The following TENM3 variants were observed in gnomAD, a reference collection of about 807,000 sequenced individuals.
TENM3 encodes the protein teneurin-3.
A neutral mutation model predicts 255.1 loss-of-function variants in TENM3; 63 were observed. The observed-to-expected ratio is 0.25, with a 90% confidence interval of 0.20 to 0.30. The LOEUF is 0.30. TENM3 is among the 10% of genes least tolerant of loss of function. TENM3 has a pLI of 1.00. For synonymous variants in TENM3, 1,306 were observed against 1,322.3 expected (o/e 0.99, Z 0.27); for missense variants, 2,929 against 3,461.1 (o/e 0.85, Z 3.86).
chr4:182,783,835 C>T (rs1054956706), intron 24 of TENM3, among the ~76,000 whole-genome samples: 6 of 151,998 alleles, frequency 3.9e-5, no homozygotes, highest in Non-Finnish European at 8.8e-5. Flanking sequence ...CCCTTTCTTC[C>T]AGTTGATCGC....
At chr4:182,134,894 C>T in the TENM3 span, among the ~76,000 whole-genome samples, 3 of 151,954 alleles carry the variant, frequency 2.0e-5, no homozygotes, top group Non-Finnish European at 2.9e-5. Context: ...CCAAGCTCTG[C>T]TGTCTTAAGC....
the TENM3 span, among the ~76,000 whole-genome samples, chr4:181,592,250 A>AACAGAAACACACACAC: frequency 0.015 from 1,905 of 126,790 alleles, 25 homozygotes; most frequent in South Asian, 0.019. Flanking sequence ...AAGCTGTTTA[A>AACAGAAACACACACAC]ACACAAACAC....
intron 3 of TENM3, among the ~76,000 whole-genome samples, chr4:182,493,428 C>T (rs1423358261): frequency 2.6e-5 from 4 of 152,088 alleles, no homozygotes; most frequent in African/African-American, 2.4e-5. Context: ...GTACGTGTGC[C>T]AATGACAAAA....
intron 3 of TENM3, among the ~76,000 whole-genome samples, chr4:182,361,052 C>T (rs1313343261): frequency 6.6e-6 from 1 of 152,166 alleles, no homozygotes; most frequent in Non-Finnish European, 1.5e-5. Flanking sequence ...TATTGGCTCC[C>T]ATTCTCTTCT....
At position 182,182,186 on chromosome 4, in the gene TENM3, G is replaced by A. The variant is rs564971204; in HGVS notation, c.-76+37432G>A. Among the ~76,000 whole-genome samples the A allele has an allele frequency of 3.9e-5, 6 of 152,102 alleles. No homozygotes were observed. In the South Asian group the frequency reaches 8.3e-4, roughly 21 times the overall value. ...AGACGTGATTTTAACAAAGGGCGGGGTGTTTTCTGGGATATATCATTTCAA... is the reference window on the plus strand; with the variant it reads ...AGACGTGATTTTAACAAAGGGCGGGATGTTTTCTGGGATATATCATTTCAA... On this transcript the variant is annotated intron_variant, in intron 1 of 2. Coordinates refer to the TENM3 transcript ENST00000512480.
the TENM3 span, among the ~76,000 whole-genome samples, chr4:182,094,979 T>G: frequency 7.3e-6 from 1 of 136,072 alleles, no homozygotes; most frequent in African/African-American, 2.7e-5. Flanking sequence ...ACATCTAAAA[T>G]AAATAAATAC....
the TENM3 span, among the ~76,000 whole-genome samples, chr4:181,544,661 A>G: frequency 2.0e-5 from 3 of 152,098 alleles, no homozygotes; most frequent in Non-Finnish European, 4.4e-5. Context: ...GGAAATTCAC[A>G]TAATGTATTC....
intron 3 of TENM3, among the ~76,000 whole-genome samples, chr4:182,540,087 T>C (rs949615275): frequency 5.3e-5 from 8 of 152,252 alleles, no homozygotes; most frequent in African/African-American, 1.9e-4. Flanking sequence ...ACGGTAAATC[T>C]AAGATTGACA....
the TENM3 span, among the ~76,000 whole-genome samples, chr4:181,528,900 C>T: frequency 1.8e-4 from 27 of 152,076 alleles, no homozygotes; most frequent in African/African-American, 5.8e-4. Flanking sequence ...CACACACACA[C>T]GTGTATATAC....
intron 23 of TENM3, among the ~76,000 whole-genome samples, chr4:182,774,555 A>T (rs1764523965): frequency 6.6e-6 from 1 of 152,152 alleles, no homozygotes. Context: ...GTCTTCCAAG[A>T]CCTTGGAGGT....
chr4:182,076,648 T>C, the TENM3 span, among the ~76,000 whole-genome samples: 1 of 152,220 alleles, frequency 6.6e-6, no homozygotes, highest in Non-Finnish European at 1.5e-5. Context: ...TCTAAACACG[T>C]ATCTCTTAAT....
At chr4:182,160,707 G>C (rs1057290691) in intron 1 of TENM3, among the ~76,000 whole-genome samples, 1 of 152,152 alleles carries the variant, frequency 6.6e-6, no homozygotes, top group Non-Finnish European at 1.5e-5. Flanking sequence ...GGGAGACGTT[G>C]GTCAAAGGGT....
At chr4:181,564,974 G>A in the TENM3 span, among the ~76,000 whole-genome samples, 36 of 152,098 alleles carry the variant, frequency 2.4e-4, 1 homozygote, top group African/African-American at 7.2e-4. Context: ...GTGTCTGGTC[G>A]AATGTGAGAT....
intron 1 of TENM3, among the ~76,000 whole-genome samples, chr4:182,303,641 G>A (rs73869921): frequency 0.023 from 3,468 of 152,108 alleles, 72 homozygotes; most frequent in Admixed American, 0.066. Context: ...GGTGGGGGGG[G>A]TGACTTAATT....
chr4:182,661,304 C>T (rs1232379098), intron 6 of TENM3, among the ~76,000 whole-genome samples: 5 of 146,004 alleles, frequency 3.4e-5, no homozygotes, highest in Non-Finnish European at 7.4e-5. Flanking sequence ...GGGTTCATGC[C>T]ATTCTCCTGC....
intron 2 of TENM3, among the ~76,000 whole-genome samples, chr4:182,339,175 A>T (rs1009478495): frequency 2.0e-5 from 3 of 152,238 alleles, no homozygotes. Context: ...AACCTGAAAC[A>T]TTAATCAGAT....
chr4:181,868,269 T>C, the TENM3 span, among the ~76,000 whole-genome samples: 1 of 151,276 alleles, frequency 6.6e-6, no homozygotes, highest in Non-Finnish European at 1.5e-5. Context: ...CCCACCTCCC[T>C]TCCCTCACCC....
At chr4:181,547,067 T>C in the TENM3 span, among the ~76,000 whole-genome samples, 1 of 152,192 alleles carries the variant, frequency 6.6e-6, no homozygotes, top group Non-Finnish European at 1.5e-5. Flanking sequence ...TTCTTAAATG[T>C]AATGAGTTAG....
the TENM3 span, among the ~76,000 whole-genome samples, chr4:182,033,197 T>G: frequency 6.6e-6 from 1 of 152,182 alleles, no homozygotes; most frequent in South Asian, 2.1e-4. Context: ...TAAATTTCCC[T>G]CTTACTACTT....
Sources: gnomAD v4.1 joint callset for allele counts (sites outside exome capture counted in the v4.1 genomes callset) on GRCh38, gnomAD v4.1.1 for gene constraint, MANE v1.5 for transcripts, NCBI Gene and HGNC (gene_info 2026-07-23, HGNC 2026-07-21) for gene names.